Variants in HECTD4 observed in about 807,000 individuals in gnomAD.
The protein encoded by HECTD4 is HECT domain E3 ubiquitin protein ligase 4, also known as probable E3 ubiquitin-protein ligase HECTD4.
In HECTD4, 114 loss-of-function variants were observed where a neutral mutation model predicts 471.5. That is an observed-to-expected ratio of 0.24 (90% CI 0.21 to 0.28). HECTD4 has a LOEUF of 0.28. Among genes scored for constraint, HECTD4 ranks in the 10% least tolerant of loss-of-function variants. HECTD4 has a pLI of 1.00. For synonymous variants in HECTD4, 2,012 were observed against 2,256.0 expected (o/e 0.89, Z 3.07); for missense variants, 3,866 against 5,651.5 (o/e 0.68, Z 10.13).
chr12:112,369,915 G>A (rs2036635444), intron 1 of HECTD4, among the ~76,000 whole-genome samples: 2 of 152,180 alleles, frequency 1.3e-5, no homozygotes, highest in Non-Finnish European at 2.9e-5. Flanking sequence ...TACCCATCGT[G>A]CTCAACTGAA....
chr12:112,365,076 A>G (rs2036532742), intron 1 of HECTD4, among the ~76,000 whole-genome samples: 1 of 152,364 alleles, frequency 6.6e-6, no homozygotes, highest in Admixed American at 6.5e-5. Flanking sequence ...ACTGACCTCT[A>G]TCTAAAAAGC....
At position 112,215,651 on chromosome 12, in the gene HECTD4, GT is replaced by G. The variant is rs1038166671; in HGVS notation, c.7465+640del. Among the ~76,000 whole-genome samples, 3 of 152,156 alleles carry G rather than the reference GT, an allele frequency of 2.0e-5. No homozygotes were observed. In the East Asian group the frequency reaches 5.8e-4, roughly 29 times the overall value. ...CAATAAGGCATTTCTCTCTCTCTCTGTTTTTTGAGATAGGGTCTCACTCTGT... is the reference window on the plus strand; with the variant it reads ...CAATAAGGCATTTCTCTCTCTCTCTGTTTTTGAGATAGGGTCTCACTCTGT... On this transcript the variant is annotated intron_variant, in intron 48 of 75. Coordinates refer to ENST00000682272, the MANE Select transcript of HECTD4 (RefSeq NM_001388303.1).
At chr12:112,288,554 G>C (rs2034807467) in intron 7 of HECTD4, among the ~76,000 whole-genome samples, 1 of 152,024 alleles carries the variant, frequency 6.6e-6, no homozygotes. Context: ...CCCAGAGTGG[G>C]GAGTTTGCAG....
intron 47 of HECTD4, 93 bp from the exon 48 acceptor site, chr12:112,216,464 G>C (rs892783299): frequency 2.3e-6 from 2 of 859,870 alleles, no homozygotes. Context: ...TGGAGGGGGG[G>C]TGGTCAGCAT....
At position 112,185,233 on chromosome 12, in the gene HECTD4, C is replaced by T. The variant is rs552125552; in HGVS notation, c.9733G>A (p.Gly3245Ser). 3.9e-6 allele frequency: 6 copies of T among 1,550,494 alleles called. No individual in the cohort carries two copies. Among genetic ancestry groups the T allele is most frequent in the East Asian group, 2.4e-5 (1 of 40,924 alleles). Residue 3245 changes from glycine to serine, a missense_variant, in exon 61 of 76, where the codon GGT (glycine) becomes AGT (serine). Gly to Ser is a moderately conservative substitution (Grantham distance 56). This residue lies in a region of HECTD4 where 364 missense variants were observed against 413.2 expected (regional missense o/e 0.88). Coordinates refer to ENST00000682272, the MANE Select transcript of HECTD4 (RefSeq NM_001388303.1). The part of the protein sequence containing the change: ...ACGGSGGAAA[G>S]DQGRFSTYFH... ...TACGTAGAGAACCTGCCCTGGTCAC[C>T]GGCCGCCGCCCCCCCGGAGCCCCCG...
At chr12:112,349,388 C>CAAAAAAA (rs60480485) in intron 1 of HECTD4, among the ~76,000 whole-genome samples, 3 of 54,704 alleles carry the variant, frequency 5.5e-5, no homozygotes, top group Admixed American at 2.3e-4. Flanking sequence ...ACTCTTGCTC[C>CAAAAAAA]AAAAAAAAAA....
At position 112,200,625 on chromosome 12, in the gene HECTD4, G is replaced by T; in HGVS notation, c.8567+13C>A. On this transcript the variant is annotated intron_variant, in intron 55 of 75. Transcript: ENST00000682272. ...ATTTCTGTGACCCAGTAGAAAGAAG[G>T]GCCCAATTGTACCTGTGAATTTGAA... 2 of 1,603,254 alleles carry T rather than the reference G, an allele frequency of 1.2e-6. No individual in the cohort carries two copies. The highest frequency in any genetic ancestry group is 1.7e-6 in the Non-Finnish European group (2 of 1,171,626).
At chr12:112,304,238 A>ATTTTTTTTTTTTT (rs760947859) in intron 7 of HECTD4, among the ~76,000 whole-genome samples, 1 of 104,398 alleles carries the variant, frequency 9.6e-6, no homozygotes, top group Non-Finnish European at 1.8e-5. Context: ...TAAAGACCTA[A>ATTTTTTTTTTTTT]TTTTTTTTTT....
At position 112,164,198 on chromosome 12, in the gene HECTD4, G is replaced by A; in HGVS notation, c.12612C>T (p.Ser4204=). The part of the protein sequence containing the change: ...SQHLATESPD[S]PNKPCCRFTY... ...TGAACCTGCAGCAGGGCTTGTTGGG[G>A]CTGTCAGGGCTCTCCGTGGCCAGGT... Residue 4204 remains serine (S), a synonymous_variant, in exon 73 of 76, where the codon AGC becomes AGT. Coordinates refer to ENST00000682272, the MANE Select transcript of HECTD4 (RefSeq NM_001388303.1). 2 of 1,613,778 alleles carry A rather than the reference G, an allele frequency of 1.2e-6. No individual in the cohort carries two copies. The highest frequency in any genetic ancestry group is 1.7e-6 in the Non-Finnish European group (2 of 1,179,860).
intron 61 of HECTD4, 33 bp from the exon 62 acceptor site, chr12:112,183,299 G>A: frequency 6.5e-7 from 1 of 1,537,992 alleles, no homozygotes; most frequent in Non-Finnish European, 9.0e-7. Flanking sequence ...CAGGATTTGA[G>A]TAGCTTGACC....
At chr12:112,330,349 TTAG>T (rs1228429011) in intron 1 of HECTD4, among the ~76,000 whole-genome samples, 5 of 152,112 alleles carry the variant, frequency 3.3e-5, no homozygotes, top group African/African-American at 1.2e-4. Flanking sequence ...CATTTTATTA[TTAG>T]GAGTATTTAG....
At position 112,194,904 on chromosome 12, in the gene HECTD4, G is replaced by A. The variant is rs1301380437; in HGVS notation, c.8730C>T (p.Leu2910=). 1.9e-6 allele frequency: 3 copies of A among 1,607,638 alleles called. No homozygotes were observed. The highest frequency in any genetic ancestry group is 1.7e-6 in the Non-Finnish European group (2 of 1,177,206). The change falls in exon 56 of 76, where the codon CTC becomes CTT. Residue 2910 remains leucine (L), a synonymous_variant. Coordinates refer to ENST00000682272, the MANE Select transcript of HECTD4 (RefSeq NM_001388303.1). This position sits in a 1 kb window ranked among gnomAD's most constrained non-coding sequence, Gnocchi z 4.6. ...LEHLQLLSNQ[L]LAPPLPDGTI... is the part of the protein sequence containing the mutation. ...TTTTACCTGGGAGAGGAGGTGCGAG[G>A]AGCTGATTGGACAGCAGTTGCAGGT... is the stretch of plus-strand genomic sequence containing the variant.
chr12:112,185,548 A>C (rs745676869), intron 60 of HECTD4, 55 bp from the exon 61 acceptor site: 68 of 1,373,668 alleles, frequency 5.0e-5, no homozygotes, highest in Non-Finnish European at 6.5e-5. Context: ...GCTATGTTCC[A>C]GGCGCAGTTC....
intron 9 of HECTD4, among the ~76,000 whole-genome samples, chr12:112,276,670 C>A (rs1243759758): frequency 6.6e-6 from 1 of 152,176 alleles, no homozygotes; most frequent in African/African-American, 2.4e-5. Context: ...TGGTCTCGAT[C>A]TCTTGACCTC....
chr12:112,345,323 A>C (rs534637748), intron 1 of HECTD4, among the ~76,000 whole-genome samples: 1 of 152,208 alleles, frequency 6.6e-6, no homozygotes, highest in South Asian at 2.1e-4. Context: ...AGAAGAAAAA[A>C]ACCAGGACAA....
intron 66 of HECTD4, among the ~76,000 whole-genome samples, chr12:112,175,037 T>G (rs1035049048): frequency 6.6e-6 from 1 of 152,210 alleles, no homozygotes; most frequent in African/African-American, 2.4e-5. Flanking sequence ...CCTGGCAAGC[T>G]GTGGCCTAGC....
Position 112,163,307 on chromosome 12 carries a change from C to A in HECTD4, c.12898-43G>T. The A allele has an allele frequency of 1.9e-6, 3 of 1,548,422 alleles. No homozygotes were observed. Among genetic ancestry groups the A allele is most frequent in the East Asian group, 4.5e-5 (2 of 44,124 alleles). On this transcript the variant is annotated intron_variant, in intron 74 of 75. Transcript: ENST00000682272. This position sits in a 1 kb window ranked among gnomAD's most constrained non-coding sequence, Gnocchi z 8.2. ...AGGTGTCAGGAGCCCTGGAGCCCCA[C>A]CTACCCAGTGCCTCCCCAGCCCTGG...
intron 3 of HECTD4, 41 bp from the exon 4 acceptor site, chr12:112,313,188 A>C (rs1266251146): frequency 6.7e-7 from 1 of 1,490,612 alleles, no homozygotes; most frequent in Non-Finnish European, 8.9e-7. Flanking sequence ...CACTGAGACA[A>C]TCCATTTCAG....
At chr12:112,232,353 C>T (rs2033401994) in intron 38 of HECTD4, among the ~76,000 whole-genome samples, 1 of 152,200 alleles carries the variant, frequency 6.6e-6, no homozygotes, top group Non-Finnish European at 1.5e-5. Context: ...TAGTCTCAAA[C>T]TCCTGACCTC....
Sources: gnomAD v4.1 joint callset for allele counts (sites outside exome capture counted in the v4.1 genomes callset) on GRCh38, gnomAD v4.1.1 for gene constraint, gnomAD v4.1.1 regional missense constraint, Gnocchi (gnomAD v3.1) non-coding constraint, MANE v1.5 for transcripts, NCBI Gene and HGNC (gene_info 2026-07-23, HGNC 2026-07-21) for gene names.